ANK3: variants seen among roughly 807,000 people sequenced by gnomAD.
ANK3 encodes ankyrin-3.
In ANK3, 57 loss-of-function variants were observed where a neutral mutation model predicts 370.9. The observed-to-expected ratio is 0.15, with a 90% CI of 0.12 to 0.19. The LOEUF (loss-of-function observed/expected upper bound fraction) is 0.19. Ranked by LOEUF, ANK3 falls within the 10% of genes least tolerant of loss-of-function variation. ANK3 has a pLI of 1.00. For synonymous variants in ANK3, 1,929 were observed against 1,946.3 expected (o/e 0.99, Z 0.23); for missense variants, 4,439 against 5,302.1 (o/e 0.84, Z 5.06).
intron 2 of ANK3, among the ~76,000 whole-genome samples, chr10:60,422,495 G>A (rs114329837): frequency 2.4e-3 from 362 of 152,070 alleles, no homozygotes; most frequent in African/African-American, 8.1e-3. Context: ...TATGCTTCTA[G>A]GGACACGGGG....
chr10:60,417,899 T>C (rs1337093970), intron 2 of ANK3, among the ~76,000 whole-genome samples: 1 of 152,152 alleles, frequency 6.6e-6, no homozygotes, highest in African/African-American at 2.4e-5. Context: ...TTATTAATCA[T>C]ACTTGAAAGG....
chr10:60,395,210 G>A (rs567499946), intron 2 of ANK3, among the ~76,000 whole-genome samples: 5 of 152,184 alleles, frequency 3.3e-5, no homozygotes, highest in Non-Finnish European at 5.9e-5. Context: ...AAATTGAGAC[G>A]TAAAATACAT....
At chr10:60,555,023 G>A (rs1368844727) in intron 2 of ANK3, among the ~76,000 whole-genome samples, 1 of 151,880 alleles carries the variant, frequency 6.6e-6, no homozygotes, top group African/African-American at 2.4e-5. Context: ...TGGAACCAGA[G>A]TACAAAATTC....
At chr10:60,625,622 T>C (rs2078398799) in intron 1 of ANK3, among the ~76,000 whole-genome samples, 1 of 152,194 alleles carries the variant, frequency 6.6e-6, no homozygotes, top group Non-Finnish European at 1.5e-5. Flanking sequence ...TGATTATACC[T>C]GGCTCATCCT....
At chr10:60,525,785 T>C (rs1479805799) in intron 2 of ANK3, among the ~76,000 whole-genome samples, 6 of 152,102 alleles carry the variant, frequency 3.9e-5, no homozygotes, top group Non-Finnish European at 8.8e-5. Flanking sequence ...CGTGTTATTG[T>C]GGGGAACAAA....
At chr10:60,055,301 G>A (rs903648155) in intron 42 of ANK3, among the ~76,000 whole-genome samples, 4 of 152,128 alleles carry the variant, frequency 2.6e-5, no homozygotes, top group East Asian at 1.9e-4. Flanking sequence ...GGAAGAACAC[G>A]GAGTGGGAGT....
intron 2 of ANK3, among the ~76,000 whole-genome samples, chr10:60,461,450 A>G (rs1370626252): frequency 6.6e-6 from 1 of 152,180 alleles, no homozygotes; most frequent in Non-Finnish European, 1.5e-5. Flanking sequence ...GGATAGGAAC[A>G]TCCAAACATG....
chr10:60,203,324 T>C (rs2096713584), intron 11 of ANK3, among the ~76,000 whole-genome samples: 1 of 152,230 alleles, frequency 6.6e-6, no homozygotes, highest in East Asian at 1.9e-4. Flanking sequence ...AAGACTTATG[T>C]CATACCTATT....
At chr10:60,616,980 T>C (rs182607825) in intron 1 of ANK3, among the ~76,000 whole-genome samples, 1 of 152,318 alleles carries the variant, frequency 6.6e-6, no homozygotes, top group Non-Finnish European at 1.5e-5. Context: ...TCTTCCCCTT[T>C]ATGCCTTTGA....
chr10:60,684,953 T>C, intron 1 of ANK3: 1 of 1,538,146 alleles, frequency 6.5e-7, no homozygotes, highest in Non-Finnish European at 8.9e-7. Flanking sequence ...ATTGAGAAAT[T>C]GTTAGCAACA....
At chr10:60,202,976 A>C in intron 12 of ANK3, 26 bp downstream of exon 12, 1 of 1,521,244 alleles carries the variant, frequency 6.6e-7, no homozygotes, top group African/African-American at 1.4e-5. Context: ...CTCACAATGG[A>C]CCTCCTTTGT....
chr10:60,368,483 G>A (rs974459322), intron 1 of ANK3, among the ~76,000 whole-genome samples: 2 of 152,094 alleles, frequency 1.3e-5, no homozygotes, highest in African/African-American at 4.8e-5. Context: ...GATGTTTATT[G>A]ATTGTTCTTA....
chr10:60,273,916 G>A lies in ANK3; in HGVS notation c.415-3687C>T, dbSNP rs578199836. 3.3e-5 allele frequency among the ~76,000 whole-genome samples: 5 copies of A among 152,296 alleles called. No homozygotes were observed. The East Asian group carries it at 9.6e-4, about 29-fold the overall frequency. Reference sequence around the variant, plus strand: ...CCTTCTCAGCCATGTGGAACTATGAGTCAATTAAACTTCTTTCCTTTATAA... The same window carrying A: ...CCTTCTCAGCCATGTGGAACTATGAATCAATTAAACTTCTTTCCTTTATAA... On this transcript the variant is annotated intron_variant, in intron 4 of 43. Coordinates refer to ENST00000280772, the MANE Select transcript of ANK3 (RefSeq NM_020987.5).
chr10:60,339,236 C>T (rs968404086), intron 1 of ANK3, among the ~76,000 whole-genome samples: 3 of 152,150 alleles, frequency 2.0e-5, no homozygotes, highest in Admixed American at 1.3e-4. Context: ...ATGCAATCTA[C>T]TCAGAGGCCA....
rs1320211205 is a variant in ANK3 at position 60,340,991 on chromosome 10, C to T, written c.114+48434G>A. ...CAAAGTATTAGATCTGGGACTCAAA[C>T]CCAGGGTTATTTGACTCCAGTGCAG... On this transcript the variant is annotated intron_variant, in intron 1 of 43. Transcript: ENST00000280772. Among the ~76,000 whole-genome samples, 3 of 152,148 alleles carry T rather than the reference C, an allele frequency of 2.0e-5. No homozygotes were observed. The East Asian group carries it at 5.8e-4, about 29-fold the overall frequency.
intron 2 of ANK3, among the ~76,000 whole-genome samples, chr10:60,481,637 T>A (rs1426077512): frequency 3.3e-5 from 5 of 152,112 alleles, no homozygotes; most frequent in Non-Finnish European, 7.4e-5. Context: ...TAATTTTTTA[T>A]ATTTTTAGTA....
At chr10:60,696,803 A>C (rs1229601297) in intron 1 of ANK3, among the ~76,000 whole-genome samples, 1 of 143,922 alleles carries the variant, frequency 6.9e-6, no homozygotes, top group Non-Finnish European at 1.5e-5. Context: ...ATCATACTGA[A>C]TGGGCAAAAA....
chr10:60,567,460 G>GA (rs1334679379), intron 2 of ANK3, among the ~76,000 whole-genome samples: 2 of 151,978 alleles, frequency 1.3e-5, no homozygotes, highest in Admixed American at 6.6e-5. Context: ...CTGCTGGCCA[G>GA]AAAAAAAATT....
At chr10:60,616,106 G>T (rs2078264577) in intron 1 of ANK3, among the ~76,000 whole-genome samples, 1 of 152,022 alleles carries the variant, frequency 6.6e-6, no homozygotes, top group African/African-American at 2.4e-5. Flanking sequence ...ATTTCATCTT[G>T]TCAGCTTTAA....
Sources: gnomAD v4.1 joint callset for allele counts (sites outside exome capture counted in the v4.1 genomes callset) on GRCh38, gnomAD v4.1.1 for gene constraint, MANE v1.5 for transcripts, NCBI Gene and HGNC (gene_info 2026-07-23, HGNC 2026-07-21) for gene names.